FMN1: variants seen among roughly 807,000 people sequenced by gnomAD.
FMN1 encodes the protein formin-1.
FMN1 carries 110 observed loss-of-function variants against 132.4 expected under a neutral mutation model. That is an observed-to-expected ratio of 0.83 (90% CI 0.71 to 0.97). The LOEUF is 0.97. Among genes scored for constraint, FMN1 ranks in the 50% least tolerant of loss-of-function variants. FMN1 has a pLI of 0.00. For synonymous variants in FMN1, 722 were observed against 651.7 expected (o/e 1.11, Z -1.64); for missense variants, 1,792 against 1,705.3 (o/e 1.05, Z -0.90).
chr15:32,863,293 T>C lies in FMN1; in HGVS notation c.3836-6186A>G, dbSNP rs544845153. On this transcript the variant is annotated intron_variant, in intron 16 of 20. Transcript: ENST00000616417. ...TCTACTAAAAATACAAAAAATTAGC[T>C]GGGCGTGGTGGCGGGCACCTGTAGT... Among the ~76,000 whole-genome samples the C allele has an allele frequency of 3.3e-4, 50 of 152,104 alleles. 1 individual carries two copies. Among genetic ancestry groups the C allele is most frequent in the Admixed American group, 5.9e-4 (9 of 15,274 alleles).
rs1596402051 is a variant in FMN1 at position 32,986,115 on chromosome 15, T to G, written c.2224-16638A>C. Among the ~76,000 whole-genome samples, 4 of 152,228 alleles carry G rather than the reference T, an allele frequency of 2.6e-5. 1 individual carries two copies. Among genetic ancestry groups the G allele is most frequent in the Admixed American group, 2.6e-4 (4 of 15,276 alleles). On this transcript the variant is annotated intron_variant, in intron 7 of 20. Transcript: ENST00000616417. ...GATTTATTCTTTGTGGTGGCAAGGC[T>G]CTTTTTGAGTTCCTGTATACAGGCA... is the stretch of plus-strand genomic sequence containing the variant.
At chr15:32,886,654 C>G (rs1035138875) in intron 16 of FMN1, among the ~76,000 whole-genome samples, 1 of 152,052 alleles carries the variant, frequency 6.6e-6, no homozygotes, top group Non-Finnish European at 1.5e-5. Flanking sequence ...GGCTCAAAGA[C>G]TATAGGAGAG....
intron 7 of FMN1, among the ~76,000 whole-genome samples, chr15:33,004,283 CA>C (rs2034286474): frequency 6.6e-6 from 1 of 152,088 alleles, no homozygotes; most frequent in Admixed American, 6.6e-5. Flanking sequence ...AAAATTTTTG[CA>C]ACCTACTCAT....
intron 6 of FMN1, among the ~76,000 whole-genome samples, chr15:33,055,322 G>A (rs1469535147): frequency 6.6e-6 from 1 of 152,048 alleles, no homozygotes; most frequent in Non-Finnish European, 1.5e-5. Context: ...CCTTCGAGTT[G>A]TCCTACCCTT....
rs927389856 is a variant in FMN1, at chr15:32,774,185, A to G, written c.*125T>C. On this transcript the variant is annotated 3_prime_UTR_variant, in exon 21 of 21. Transcript: ENST00000616417. ...GCACTCTCTGCAGATGACCTCAGAA[A>G]GAGATGAGCAAAAACAAACATTTAG... The G allele has an allele frequency of 1.9e-4, 145 of 765,174 alleles. No homozygotes were observed. In the East Asian group the frequency reaches 3.0e-3, roughly 16 times the overall value. The allele number at this position is 765,174 out of a possible 1,614,324, so 47.4% of individuals were successfully genotyped here. A position where few individuals can be genotyped will look rare whatever the true frequency, so the allele number is the denominator to read the frequency against.
chr15:32,889,558 C>G (rs995932683), intron 15 of FMN1, among the ~76,000 whole-genome samples: 1 of 152,148 alleles, frequency 6.6e-6, no homozygotes, highest in Non-Finnish European at 1.5e-5. Flanking sequence ...CATGAAATAA[C>G]AGACCACAAT....
intron 10 of FMN1, among the ~76,000 whole-genome samples, chr15:32,914,755 A>G (rs2060644530): frequency 6.6e-6 from 1 of 152,260 alleles, no homozygotes; most frequent in Non-Finnish European, 1.5e-5. Flanking sequence ...ATTGCTAACT[A>G]GCTCTGGGGA....
At chr15:33,033,522 C>G (rs2036044480) in intron 6 of FMN1, among the ~76,000 whole-genome samples, 1 of 152,194 alleles carries the variant, frequency 6.6e-6, no homozygotes, top group Non-Finnish European at 1.5e-5. Flanking sequence ...AAGTATCACT[C>G]TAGGTCTTCC....
intron 3 of FMN1, among the ~76,000 whole-genome samples, chr15:33,172,472 A>T (rs556962622): frequency 1.3e-5 from 2 of 152,354 alleles, no homozygotes; most frequent in South Asian, 4.1e-4. Context: ...GTGGCTCTTC[A>T]TGAGTGATGG....
At chr15:32,985,419 T>C (rs561935740) in intron 7 of FMN1, among the ~76,000 whole-genome samples, 54 of 152,308 alleles carry the variant, frequency 3.5e-4, no homozygotes, top group African/African-American at 1.3e-3. Context: ...TTTTGTTCAC[T>C]GATGTATCAC....
intron 16 of FMN1, among the ~76,000 whole-genome samples, chr15:32,879,448 C>T (rs1387607306): frequency 2.6e-5 from 4 of 152,128 alleles, no homozygotes; most frequent in Non-Finnish European, 5.9e-5. Context: ...TGGAGCTTCC[C>T]AAAAGGTGAT....
intron 5 of FMN1, among the ~76,000 whole-genome samples, chr15:33,081,850 G>A (rs12901863): frequency 0.074 from 11,276 of 152,158 alleles, 556 homozygotes; most frequent in Middle Eastern, 0.12. Context: ...TCAAGCTTGG[G>A]AGGAGCCTTG....
At chr15:33,123,762 C>T (rs1595524853) in intron 4 of FMN1, among the ~76,000 whole-genome samples, 1 of 152,168 alleles carries the variant, frequency 6.6e-6, no homozygotes, top group South Asian at 2.1e-4. Context: ...GGCTCCACTA[C>T]GTAAAGTTTC....
At chr15:33,030,922 A>G (rs954056302) in intron 6 of FMN1, among the ~76,000 whole-genome samples, 3 of 152,110 alleles carry the variant, frequency 2.0e-5, no homozygotes, top group Non-Finnish European at 2.9e-5. Flanking sequence ...TGCTGCACCC[A>G]TGAACCGGTC....
intron 16 of FMN1, among the ~76,000 whole-genome samples, chr15:32,879,260 T>C (rs1279764028): frequency 1.3e-5 from 2 of 152,228 alleles, no homozygotes; most frequent in African/African-American, 4.8e-5. Flanking sequence ...TTCTAAAACT[T>C]TGCTTGCAAA....
intron 4 of FMN1, among the ~76,000 whole-genome samples, chr15:33,120,643 T>C (rs7178163): frequency 0.36 from 54,288 of 152,030 alleles, 10,871 homozygotes; most frequent in Non-Finnish European, 0.43. Flanking sequence ...TTTCGTGTTC[T>C]GGTATTCCTG....
chr15:32,914,995 G>T (rs1328030570), intron 10 of FMN1, among the ~76,000 whole-genome samples: 2 of 152,162 alleles, frequency 1.3e-5, no homozygotes, highest in Non-Finnish European at 2.9e-5. Context: ...CCTCTTCCAC[G>T]GAAGGATCTT....
At chr15:32,895,285 A>G (rs979202052) in intron 15 of FMN1, among the ~76,000 whole-genome samples, 1 of 151,986 alleles carries the variant, frequency 6.6e-6, no homozygotes, top group African/African-American at 2.4e-5. Context: ...AGATATGGAC[A>G]CATTACCTGT....
rs1235767022 is a variant in FMN1 at position 32,804,533 on chromosome 15, T to C, written c.3929-201A>G. ...CACTGCTTTTTTTTTTTTTAAATTA[T>C]ACTAAGTTCTAGGGTACATGTGCAC... On this transcript the variant is annotated intron_variant, in intron 17 of 20. Transcript: ENST00000616417. 6.0e-5 allele frequency among the ~76,000 whole-genome samples: 9 copies of C among 149,852 alleles called. No homozygotes were observed. The East Asian group carries it at 1.6e-3, about 27-fold the overall frequency.
Sources: allele counts gnomAD v4.1 joint callset (sites outside exome capture counted in the v4.1 genomes callset), GRCh38; gene constraint gnomAD v4.1.1; transcripts MANE v1.5; gene names NCBI Gene and HGNC (gene_info 2026-07-23, HGNC 2026-07-21).